KCNT2: variants seen among roughly 807,000 people sequenced by gnomAD.
KCNT2 encodes potassium sodium-activated channel subfamily T member 2, also known as potassium channel subfamily T member 2.
In KCNT2, 67 loss-of-function variants were observed where a neutral mutation model predicts 153.8. That is an observed-to-expected ratio of 0.44 (90% confidence interval 0.36 to 0.53). The LOEUF (loss-of-function observed/expected upper bound fraction) is 0.53. KCNT2 is among the 20% of genes least tolerant of loss of function. KCNT2 has a pLI of 0.00. For missense variants in KCNT2, 975 were observed against 1,354.8 expected, an observed-to-expected ratio of 0.72 and a Z score of 4.40; for synonymous variants, 500 against 458.8, an observed-to-expected ratio of 1.09 and a Z score of -1.15.
chr1:196,425,123 T>A (rs1300026698), intron 11 of KCNT2, among the ~76,000 whole-genome samples: 4 of 151,996 alleles, frequency 2.6e-5, no homozygotes, highest in Admixed American at 6.6e-5. Context: ...TGAAGATACC[T>A]TCTGGCATCT....
Position 196,535,545 on chromosome 1 carries a change from TG to T in KCNT2, c.96-43205del, listed in dbSNP as rs1655438124. On this transcript the variant is annotated intron_variant, in intron 1 of 27. Coordinates refer to ENST00000294725, the MANE Select transcript of KCNT2 (RefSeq NM_198503.5). The stretch of plus-strand genomic sequence containing the variant: ...TTCTCTAAAACATTTTTTAGAATAA[TG>T]CTTATTTTCTTTGCACATTTTTATA... Among the ~76,000 whole-genome samples, 8 of 152,316 alleles carry T rather than the reference TG, an allele frequency of 5.3e-5. No homozygotes were observed. In the South Asian group the frequency reaches 1.7e-3, roughly 32 times the overall value.
intron 1 of KCNT2, among the ~76,000 whole-genome samples, chr1:196,564,783 A>G (rs1659880629): frequency 6.6e-6 from 1 of 151,894 alleles, no homozygotes; most frequent in African/African-American, 2.4e-5. Context: ...TGTTGGGACA[A>G]CTTGCAGAAC....
chr1:196,456,665 T>A (rs1303528858), intron 8 of KCNT2, among the ~76,000 whole-genome samples: 2 of 151,958 alleles, frequency 1.3e-5, no homozygotes, highest in Non-Finnish European at 2.9e-5. Context: ...TTATCTGAAG[T>A]CCATTTTGAC....
intron 27 of KCNT2, among the ~76,000 whole-genome samples, chr1:196,234,129 A>G (rs1654201356): frequency 6.6e-6 from 1 of 151,420 alleles, no homozygotes. Context: ...ATTGATCATT[A>G]CATATTTTAT....
intron 12 of KCNT2, among the ~76,000 whole-genome samples, chr1:196,406,759 A>G (rs1671866868): frequency 6.6e-6 from 1 of 151,450 alleles, no homozygotes; most frequent in African/African-American, 2.4e-5. Context: ...GTTTTAGGAA[A>G]AAAAGTCCTT....
chr1:196,264,604 A>AAT (rs1378242449), intron 25 of KCNT2, among the ~76,000 whole-genome samples: 1 of 151,910 alleles, frequency 6.6e-6, no homozygotes, highest in Admixed American at 6.6e-5. Flanking sequence ...CTCCAGCCCC[A>AAT]ATATATATAT....
intron 21 of KCNT2, among the ~76,000 whole-genome samples, chr1:196,312,469 A>C (rs1487916852): frequency 2.0e-5 from 3 of 151,812 alleles, no homozygotes; most frequent in African/African-American, 7.2e-5. Context: ...TAAGTGATAA[A>C]TAAAAGGCCT....
chr1:196,227,323 A>G lies in KCNT2; in HGVS notation c.*901T>C, dbSNP rs887005195. On this transcript the variant is annotated 3_prime_UTR_variant, in exon 28 of 28. Transcript: ENST00000294725. ...GAATTTTTCTAGTGAAATTTACTAT[A>G]TAGATATATGAATAGGAAAGATGGT... is the stretch of plus-strand genomic sequence containing the variant. The G allele has an allele frequency of 6.6e-6, 1 of 152,040 alleles. No homozygotes were observed. The highest frequency in any genetic ancestry group is 1.5e-5 in the Non-Finnish European group (1 of 67,912). 9.4% of individuals were successfully genotyped at this position (152,040 alleles called of 1,614,324 possible). A position where few individuals can be genotyped will look rare whatever the true frequency, so the allele number is the denominator to read the frequency against.
At chr1:196,246,378 A>G (rs1655449581) in intron 26 of KCNT2, among the ~76,000 whole-genome samples, 1 of 152,210 alleles carries the variant, frequency 6.6e-6, no homozygotes, top group African/African-American at 2.4e-5. Flanking sequence ...TGCTAAAGAG[A>G]GTTCTTCAAT....
At chr1:196,448,650 T>C (rs913208140) in intron 8 of KCNT2, among the ~76,000 whole-genome samples, 8 of 151,674 alleles carry the variant, frequency 5.3e-5, no homozygotes, top group African/African-American at 1.9e-4. Context: ...CATGTCTACT[T>C]TAAAAGCTGT....
Position 196,373,241 on chromosome 1 carries a change from A to G in KCNT2, c.1302T>C (p.Val434=), listed in dbSNP as rs140684905. The G allele has an allele frequency of 7.0e-7, 1 of 1,428,934 alleles. No individual in the cohort carries two copies. The highest frequency in any genetic ancestry group is 9.9e-7 in the Non-Finnish European group (1 of 1,014,164). The allele number at this position is 1,428,934 out of a possible 1,614,324, so 88.5% of individuals were successfully genotyped here. A position where few individuals can be genotyped will look rare whatever the true frequency, so the allele number is the denominator to read the frequency against. ...CGTATTTAAACTCTTCTTCACAAAC[A>G]ACATGATCTGTTTGAAATAAAATAG... ...NKFHIKFADH[V]VCEEEFKYAM... The change falls in exon 14 of 28, where the codon GTT becomes GTC. Residue 434 remains valine, a synonymous_variant. Coordinates refer to ENST00000294725, the MANE Select transcript of KCNT2 (RefSeq NM_198503.5).
intron 1 of KCNT2, among the ~76,000 whole-genome samples, chr1:196,564,077 T>G (rs1165912538): frequency 6.6e-6 from 1 of 151,890 alleles, no homozygotes. Flanking sequence ...TGACTATGTT[T>G]GCAGAGAACA....
intron 8 of KCNT2, among the ~76,000 whole-genome samples, chr1:196,462,204 C>T (rs1307972266): frequency 6.6e-6 from 1 of 151,586 alleles, no homozygotes; most frequent in African/African-American, 2.4e-5. Context: ...AATTATTCCC[C>T]TATTTACCAT....
chr1:196,326,115 A>C (rs2148068984), intron 19 of KCNT2, among the ~76,000 whole-genome samples: 1 of 152,278 alleles, frequency 6.6e-6, no homozygotes, highest in East Asian at 1.9e-4. Context: ...TGTCTCATTC[A>C]GTGACCCATA....
intron 8 of KCNT2, among the ~76,000 whole-genome samples, chr1:196,442,940 A>G (rs12075206): frequency 0.033 from 4,994 of 151,772 alleles, 119 homozygotes; most frequent in South Asian, 0.07. Flanking sequence ...CAGAGGGAAT[A>G]TAGGTAAGCC....
intron 8 of KCNT2, among the ~76,000 whole-genome samples, chr1:196,458,896 G>A (rs1676912634): frequency 1.3e-5 from 2 of 151,888 alleles, no homozygotes; most frequent in African/African-American, 4.8e-5. Flanking sequence ...GGCATTCTGT[G>A]CTGAAATCAT....
At chr1:196,464,822 G>T (rs1173802702) in intron 8 of KCNT2, among the ~76,000 whole-genome samples, 2 of 151,964 alleles carry the variant, frequency 1.3e-5, no homozygotes, top group Non-Finnish European at 2.9e-5. Flanking sequence ...GTCTTGCCTT[G>T]CACTGTCCAT....
chr1:196,535,028 C>T (rs1251926283), intron 1 of KCNT2, among the ~76,000 whole-genome samples: 1 of 152,142 alleles, frequency 6.6e-6, no homozygotes, highest in East Asian at 1.9e-4. Context: ...ATTATAATTT[C>T]CCTTTTCATG....
intron 1 of KCNT2, among the ~76,000 whole-genome samples, chr1:196,553,318 T>C (rs1211830366): frequency 6.6e-6 from 1 of 151,148 alleles, no homozygotes; most frequent in Non-Finnish European, 1.5e-5. Flanking sequence ...CATTACATAA[T>C]GGGTCAATTT....
Sources: gnomAD v4.1 joint callset for allele counts (sites outside exome capture counted in the v4.1 genomes callset) on GRCh38, gnomAD v4.1.1 for gene constraint, MANE v1.5 for transcripts, NCBI Gene and HGNC (gene_info 2026-07-23, HGNC 2026-07-21) for gene names.